The following UEVLD variants were observed in gnomAD, a reference collection of about 807,000 sequenced individuals.
UEVLD encodes UEV and lactate/malate dehyrogenase domains.
Under a neutral mutation model 58.6 loss-of-function variants are expected in UEVLD, and 47 were observed. That is an observed-to-expected ratio of 0.80 (90% CI 0.63 to 1.02). UEVLD has a LOEUF of 1.02. Among genes scored for constraint, UEVLD ranks in the 50% least tolerant of loss-of-function variants. The pLI, the probability that UEVLD is intolerant of heterozygous loss-of-function variation, is 0.00. For missense variants in UEVLD, 510 were observed against 550.6 expected, an observed-to-expected ratio of 0.93 and a Z score of 0.74; for synonymous variants, 197 against 195.3, an observed-to-expected ratio of 1.01 and a Z score of -0.07.
At chr11:18,579,464 C>A (rs1461370139) in intron 1 of UEVLD, 4 of 985,270 alleles carry the variant, frequency 4.1e-6, no homozygotes, top group Middle Eastern at 1.0e-3. Context: ...GAATGGATCA[C>A]CCCTCTCACC....
chr11:18,556,995 G>A (rs1851779024), intron 7 of UEVLD, among the ~76,000 whole-genome samples: 1 of 151,340 alleles, frequency 6.6e-6, no homozygotes, highest in Admixed American at 6.6e-5. Flanking sequence ...GGGAGGCAGA[G>A]GTGAAAGGAT....
rs780525893 is a variant in UEVLD at position 18,536,396 on chromosome 11, T to C, written c.1124+10A>G. On this transcript the variant is annotated intron_variant, in intron 10 of 11. Transcript: ENST00000396197. The stretch of plus-strand genomic sequence containing the variant: ...TCGTTGGATAAATGCAAATTTCCAG[T>C]CAGTGTTACCTGTTGGACAGCTGCA... 2.5e-6 allele frequency: 4 copies of C among 1,613,054 alleles called. No homozygotes were observed. The highest frequency in any genetic ancestry group is 3.4e-6 in the Non-Finnish European group (4 of 1,179,426).
intron 6 of UEVLD, among the ~76,000 whole-genome samples, chr11:18,561,360 G>A (rs1376686783): frequency 1.3e-5 from 2 of 152,074 alleles, no homozygotes; most frequent in African/African-American, 2.4e-5. Context: ...TTGGGAGGCT[G>A]AGGCTGGTGC....
At chr11:18,572,806 A>G (rs1852695753) in intron 3 of UEVLD, among the ~76,000 whole-genome samples, 2 of 148,210 alleles carry the variant, frequency 1.3e-5, no homozygotes, top group African/African-American at 2.5e-5. Flanking sequence ...CTCCATCTCA[A>G]AAAAAAAAAA....
intron 7 of UEVLD, among the ~76,000 whole-genome samples, chr11:18,550,523 G>A (rs892050243): frequency 6.6e-6 from 1 of 152,052 alleles, no homozygotes; most frequent in African/African-American, 2.4e-5. Flanking sequence ...AGATCTAGTC[G>A]CATAGCAACT....
chr11:18,564,912 T>C lies in UEVLD; in HGVS notation c.592A>G (p.Thr198Ala). 1 of 1,612,816 alleles carries C rather than the reference T, an allele frequency of 6.2e-7. No individual in the cohort carries two copies. Among genetic ancestry groups the C allele is most frequent in the Non-Finnish European group, 8.5e-7 (1 of 1,179,088 alleles). Residue 198 changes from threonine to alanine, a missense_variant, in exon 6 of 12, where the codon ACA becomes GCA. By Grantham distance (58) the Thr-to-Ala change is moderately conservative (BLOSUM62 0). Transcript: ENST00000396197. Reference protein sequence around the residue: ...VGGGELGIACTLAISAKGIAD... With the variant: ...VGGGELGIACALAISAKGIAD... ...CATACCTTTGCTGAAATTGCTAATG[T>C]GCAGGCAATACCGAGTTCTCCACCT... is the stretch of plus-strand genomic sequence containing the variant.
chr11:18,573,704 G>C (rs1852749741), intron 3 of UEVLD, among the ~76,000 whole-genome samples: 1 of 152,038 alleles, frequency 6.6e-6, no homozygotes, highest in African/African-American at 2.4e-5. Context: ...ATCATGGTGG[G>C]ACATACACAG....
chr11:18,582,358 C>T (rs1447177837), intron 1 of UEVLD, among the ~76,000 whole-genome samples: 1 of 146,800 alleles, frequency 6.8e-6, no homozygotes, highest in East Asian at 2.0e-4. Context: ...CCACTCCCGG[C>T]CCGAGCCAAA....
At chr11:18,569,010 T>C (rs900132328) in intron 4 of UEVLD, among the ~76,000 whole-genome samples, 1 of 152,150 alleles carries the variant, frequency 6.6e-6, no homozygotes, top group South Asian at 2.1e-4. Context: ...TTCTACTGCC[T>C]CAGCCTCCCA....
intron 9 of UEVLD, among the ~76,000 whole-genome samples, chr11:18,541,474 T>C (rs2133966271): frequency 6.6e-6 from 1 of 152,208 alleles, no homozygotes; most frequent in East Asian, 1.9e-4. Context: ...TAAGGGAGAC[T>C]TTTCACTGCA....
Position 18,536,429 on chromosome 11 carries a change from G to C in UEVLD, c.1101C>G (p.Thr367=), listed in dbSNP as rs1485646235. The C allele has an allele frequency of 6.2e-7, 1 of 1,613,828 alleles. No individual in the cohort carries two copies. The highest frequency in any genetic ancestry group is 8.5e-7 in the Non-Finnish European group (1 of 1,179,900). Residue 367 remains threonine (T), a synonymous_variant, in exon 10 of 12, where the codon ACC becomes ACG. Transcript: ENST00000396197. ...WSGQEEVVSH[T]SQVQLSNRAM... The stretch of plus-strand genomic sequence containing the variant: ...ACCTGTTGGACAGCTGCACTTGAGA[G>C]GTATGACTCACTACTTCTTCTTGGC...
At chr11:18,542,345 T>A (rs1224596038) in intron 9 of UEVLD, among the ~76,000 whole-genome samples, 1 of 152,088 alleles carries the variant, frequency 6.6e-6, no homozygotes, top group Non-Finnish European at 1.5e-5. Flanking sequence ...TCAAATGTAT[T>A]CAAGTAATGA....
rs539716767 is a variant in UEVLD at position 18,579,905 on chromosome 11, T to A, written c.43-1097A>T. 3.9e-5 allele frequency among the ~76,000 whole-genome samples: 6 copies of A among 152,270 alleles called. No individual in the cohort carries two copies. The South Asian group carries it at 1.2e-3, about 32-fold the overall frequency. ...CTTAGACTCTGAAAACTACAGAACA[T>A]TGTTGAAAAAAATAAAATAGACCAA... On this transcript the variant is annotated intron_variant, in intron 1 of 11. Coordinates refer to ENST00000396197, the MANE Select transcript of UEVLD (RefSeq NM_001040697.4).
At chr11:18,536,558 G>T in intron 9 of UEVLD, 89 bp from the exon 10 acceptor site, 1 of 1,087,800 alleles carries the variant, frequency 9.2e-7, no homozygotes, top group Non-Finnish European at 1.4e-6. Flanking sequence ...AAGGGTACCT[G>T]TGCTAATATT....
intron 8 of UEVLD, among the ~76,000 whole-genome samples, chr11:18,546,060 C>T (rs76536980): frequency 1.1e-3 from 170 of 152,236 alleles, no homozygotes; most frequent in Non-Finnish European, 2.1e-3. Flanking sequence ...GAAATGCATA[C>T]AATACCTCTA....
chr11:18,574,856 A>G (rs1379953536), intron 3 of UEVLD, among the ~76,000 whole-genome samples: 2 of 152,214 alleles, frequency 1.3e-5, no homozygotes, highest in African/African-American at 4.8e-5. Context: ...TATATCACAT[A>G]GAGAGGAAAG....
intron 9 of UEVLD, among the ~76,000 whole-genome samples, chr11:18,542,890 C>CTTTTTTTTTTTTTTTTTTTTTTTTTTT (rs890676886): frequency 2.4e-5 from 3 of 125,902 alleles, no homozygotes; most frequent in Non-Finnish European, 4.8e-5. Context: ...CTTTTCTTTT[C>CTTTTTTTTTTTTTTTTTTTTTTTTTTT]TTTTTTTTTT....
At chr11:18,539,045 G>GA (rs1421267102) in intron 9 of UEVLD, 4 of 137,844 alleles carry the variant, frequency 2.9e-5, no homozygotes, top group African/African-American at 1.0e-4. Context: ...CCCCAAAAAA[G>GA]AAAAAGAAAA....
chr11:18,566,225 A>G, intron 5 of UEVLD, 122 bp downstream of exon 5: 3 of 1,398,244 alleles, frequency 2.1e-6, no homozygotes, highest in East Asian at 2.4e-5. Flanking sequence ...CTTATTTCAA[A>G]AACAGATGTA....
Sources: allele counts gnomAD v4.1 joint callset (sites outside exome capture counted in the v4.1 genomes callset), GRCh38; gene constraint gnomAD v4.1.1; transcripts MANE v1.5; gene names NCBI Gene and HGNC (gene_info 2026-07-23, HGNC 2026-07-21).